AGBL1: variants seen among roughly 807,000 people sequenced by gnomAD.
The protein encoded by AGBL1 is AGBL carboxypeptidase 1, also known as cytosolic carboxypeptidase 4.
Under a neutral mutation model 118.9 loss-of-function variants are expected in AGBL1, and 130 were observed. That is an observed-to-expected ratio of 1.09 (90% CI 0.95 to 1.26). The LOEUF is 1.26. AGBL1 is among the 50% of genes most tolerant of loss of function. The pLI is 0.00. For synonymous variants in AGBL1, 555 were observed against 478.9 expected, an observed-to-expected ratio of 1.16 and a Z score of -2.08; for missense variants, 1,584 against 1,298.1, an observed-to-expected ratio of 1.22 and a Z score of -3.38.
intron 18 of AGBL1, among the ~76,000 whole-genome samples, chr15:86,408,130 C>G (rs572385772): frequency 1.3e-5 from 2 of 152,308 alleles, no homozygotes; most frequent in South Asian, 4.1e-4. Context: ...TTCTGTAACT[C>G]TTCAAGGCAT....
intron 24 of AGBL1, among the ~76,000 whole-genome samples, chr15:87,005,234 C>T (rs1015587575): frequency 6.6e-6 from 1 of 152,144 alleles, no homozygotes; most frequent in Non-Finnish European, 1.5e-5. Flanking sequence ...TGAATGTTGG[C>T]CTGCCTTGCT....
At chr15:87,021,512 A>C (rs2081664375) in intron 24 of AGBL1, among the ~76,000 whole-genome samples, 1 of 146,906 alleles carries the variant, frequency 6.8e-6, no homozygotes, top group African/African-American at 2.5e-5. Flanking sequence ...AATTAAACTA[A>C]AGAGCTTCTG....
At chr15:86,363,749 C>G (rs1330109710) in intron 17 of AGBL1, among the ~76,000 whole-genome samples, 1 of 152,070 alleles carries the variant, frequency 6.6e-6, no homozygotes, top group Non-Finnish European at 1.5e-5. Flanking sequence ...ATTCATATTT[C>G]CAAATGCCTG....
Position 86,912,030 on chromosome 15 carries a change from T to G in AGBL1, c.*4736T>G, listed in dbSNP as rs1455844928. The G allele has an allele frequency of 6.6e-6, 1 of 152,208 alleles. No homozygotes were observed. The highest frequency in any genetic ancestry group is 1.5e-5 in the Non-Finnish European group (1 of 68,044). The allele number at this position is 152,208 out of a possible 1,614,324, so 9.4% of individuals were successfully genotyped here. On this transcript the variant is annotated 3_prime_UTR_variant, in exon 23 of 23. Transcript: ENST00000614907. ...AACACATTGCAGGTGTTCAAAAATG[T>G]GTCTTCCCCTCAGCTTCAAACTCAG...
chr15:86,333,689 C>T (rs2080312676), intron 17 of AGBL1, among the ~76,000 whole-genome samples: 1 of 152,114 alleles, frequency 6.6e-6, no homozygotes, highest in African/African-American at 2.4e-5. Context: ...TTCTATGAAA[C>T]CAGCATCACC....
At chr15:86,817,119 T>C (rs2078868360) in intron 22 of AGBL1, among the ~76,000 whole-genome samples, 1 of 151,788 alleles carries the variant, frequency 6.6e-6, no homozygotes, top group Non-Finnish European at 1.5e-5. Flanking sequence ...AAACTCCATC[T>C]CTACTATAAA....
chr15:86,783,325 T>C (rs764976576), intron 22 of AGBL1, among the ~76,000 whole-genome samples: 31 of 152,238 alleles, frequency 2.0e-4, no homozygotes, highest in Non-Finnish European at 3.7e-4. Context: ...CTGTAATTAA[T>C]GTTATCAGCT....
intron 22 of AGBL1, among the ~76,000 whole-genome samples, chr15:86,781,333 CTCTTTACTGTTT>C (rs1472587024): frequency 6.6e-6 from 1 of 152,040 alleles, no homozygotes; most frequent in African/African-American, 2.4e-5. Flanking sequence ...TCTCACGTTC[CTCTTTACTGTTT>C]TGAAAAGTGC....
In AGBL1 at chr15:86,360,444, A is replaced by G. The variant is rs143100344; in HGVS notation, c.2375-36922A>G. 5.3e-4 allele frequency among the ~76,000 whole-genome samples: 80 copies of G among 151,572 alleles called. 3 individuals carry two copies. In the East Asian group the frequency reaches 0.012, roughly 22 times the overall value. On this transcript the variant is annotated intron_variant, in intron 17 of 22. Transcript: ENST00000614907. ...CATGATCCCTTTAATATGCCTTTTAATTCAGTTTGCTAGTATTGAGGATTT... is the reference window on the plus strand; with the variant it reads ...CATGATCCCTTTAATATGCCTTTTAGTTCAGTTTGCTAGTATTGAGGATTT...
chr15:86,689,289 C>A (rs994862565), intron 22 of AGBL1, among the ~76,000 whole-genome samples: 1 of 152,084 alleles, frequency 6.6e-6, no homozygotes, highest in Non-Finnish European at 1.5e-5. Flanking sequence ...CTCAGCAAGA[C>A]TTTTCATGAC....
At chr15:86,384,452 G>T (rs570765908) in intron 17 of AGBL1, among the ~76,000 whole-genome samples, 2 of 152,244 alleles carry the variant, frequency 1.3e-5, no homozygotes, top group South Asian at 2.1e-4. Flanking sequence ...CTTCTCCCAA[G>T]TGACTGCCGT....
intron 22 of AGBL1, among the ~76,000 whole-genome samples, chr15:86,849,321 C>T (rs1390682743): frequency 6.6e-6 from 1 of 152,146 alleles, no homozygotes; most frequent in Non-Finnish European, 1.5e-5. Flanking sequence ...GCTGCTGAAG[C>T]GGCCAGGCTG....
At chr15:86,317,244 C>A (rs561505909) in intron 17 of AGBL1, 1 of 152,142 alleles carries the variant, frequency 6.6e-6, no homozygotes, top group Non-Finnish European at 1.5e-5. Flanking sequence ...TCCATAGCAA[C>A]CAATCATGAT....
At chr15:86,836,077 TC>T (rs1364503971) in intron 22 of AGBL1, among the ~76,000 whole-genome samples, 3 of 152,210 alleles carry the variant, frequency 2.0e-5, no homozygotes, top group African/African-American at 7.2e-5. Context: ...AGAAAACCTC[TC>T]CTACCCTTGC....
chr15:86,503,681 T>A (rs2082942826), intron 18 of AGBL1, among the ~76,000 whole-genome samples: 1 of 151,502 alleles, frequency 6.6e-6, no homozygotes, highest in South Asian at 2.1e-4. Flanking sequence ...TAATTTCTTC[T>A]TTGACTCATT....
At chr15:86,605,752 T>TTA (rs2084566341) in intron 21 of AGBL1, among the ~76,000 whole-genome samples, 1 of 113,224 alleles carries the variant, frequency 8.8e-6, no homozygotes, top group Admixed American at 8.8e-5. Context: ...AGGCTGTATG[T>TTA]GAGTGTGTGT....
At chr15:86,127,098 G>A (rs1216838082) in intron 1 of AGBL1, among the ~76,000 whole-genome samples, 1 of 152,126 alleles carries the variant, frequency 6.6e-6, no homozygotes, top group Non-Finnish European at 1.5e-5. Flanking sequence ...CCAGTAATCT[G>A]GCCTTCAAAC....
intron 18 of AGBL1, among the ~76,000 whole-genome samples, chr15:86,450,090 T>G (rs1261291118): frequency 1.3e-5 from 2 of 152,212 alleles, no homozygotes. Context: ...TCTGACTCCA[T>G]GAACATTGGC....
At chr15:86,519,431 G>A (rs556533818) in intron 18 of AGBL1, among the ~76,000 whole-genome samples, 44 of 152,124 alleles carry the variant, frequency 2.9e-4, no homozygotes, top group African/African-American at 1.0e-3. Flanking sequence ...AATAAGATAG[G>A]GTGCATTTCA....
Sources: allele counts gnomAD v4.1 joint callset (sites outside exome capture counted in the v4.1 genomes callset), GRCh38; gene constraint gnomAD v4.1.1; transcripts MANE v1.5; gene names NCBI Gene and HGNC (gene_info 2026-07-23, HGNC 2026-07-21).